Variants in MBD5 observed in about 807,000 individuals in gnomAD.
MBD5 encodes the protein methyl-CpG-binding domain protein 5.
Under a neutral mutation model 117.3 loss-of-function variants are expected in MBD5, and 13 were observed. The observed-to-expected ratio is 0.11, with a 90% CI of 0.07 to 0.18. The LOEUF is 0.18. Among genes scored for constraint, MBD5 ranks in the 10% least tolerant of loss-of-function variants. The pLI is 1.00. For missense variants in MBD5, 1,879 were observed against 2,093.8 expected (o/e 0.90, Z 2.00); for synonymous variants, 727 against 766.4 (o/e 0.95, Z 0.85).
At chr2:148,463,604 C>A (rs897139285) in intron 6 of MBD5, 135 bp from the exon 7 acceptor site, 5 of 1,005,730 alleles carry the variant, frequency 5.0e-6, no homozygotes, top group Admixed American at 2.1e-5. Context: ...TATAAAGTTG[C>A]CTTTCTTAAA....
chr2:148,314,853 T>C (rs998856609), intron 3 of MBD5, among the ~76,000 whole-genome samples: 2 of 151,966 alleles, frequency 1.3e-5, no homozygotes, highest in Non-Finnish European at 2.9e-5. Flanking sequence ...TTTTTAGGCA[T>C]ATATATATAT....
At chr2:148,348,278 A>C (rs1703172104) in intron 4 of MBD5, among the ~76,000 whole-genome samples, 2 of 151,850 alleles carry the variant, frequency 1.3e-5, no homozygotes, top group African/African-American at 4.8e-5. Context: ...CCTCTTGATA[A>C]AATCTAGATT....
chr2:148,386,435 C>T (rs1411402686), intron 4 of MBD5, among the ~76,000 whole-genome samples: 1 of 152,112 alleles, frequency 6.6e-6, no homozygotes, highest in Non-Finnish European at 1.5e-5. Flanking sequence ...ATACTTTATG[C>T]CGGCCGGGCG....
At chr2:148,348,607 C>G (rs1174048728) in intron 4 of MBD5, among the ~76,000 whole-genome samples, 2 of 151,956 alleles carry the variant, frequency 1.3e-5, no homozygotes, top group African/African-American at 4.8e-5. Context: ...TCTAAACATA[C>G]TAAGTAATAG....
chr2:148,179,182 G>T (rs1388184842), intron 2 of MBD5, among the ~76,000 whole-genome samples: 1 of 151,994 alleles, frequency 6.6e-6, no homozygotes, highest in Non-Finnish European at 1.5e-5. Flanking sequence ...GTGAAACCCG[G>T]TCTCTACTGA....
intron 3 of MBD5, among the ~76,000 whole-genome samples, chr2:148,325,968 C>A (rs1367173647): frequency 6.6e-6 from 1 of 152,096 alleles, no homozygotes; most frequent in East Asian, 1.9e-4. Flanking sequence ...CTCTTGTGGG[C>A]ATTTAGTGCT....
intron 1 of MBD5, among the ~76,000 whole-genome samples, chr2:148,146,669 T>A (rs1219166966): frequency 6.6e-6 from 1 of 152,138 alleles, no homozygotes; most frequent in African/African-American, 2.4e-5. Context: ...GGGAGCTATT[T>A]AAAAAAATTA....
At chr2:148,182,288 T>C (rs1449319445) in intron 2 of MBD5, among the ~76,000 whole-genome samples, 18 of 152,178 alleles carry the variant, frequency 1.2e-4, no homozygotes, top group Non-Finnish European at 2.5e-4. Context: ...TTAAAATAAT[T>C]ATAAGGTATT....
At chr2:148,396,749 T>C (rs1306392784) in intron 4 of MBD5, among the ~76,000 whole-genome samples, 1 of 152,172 alleles carries the variant, frequency 6.6e-6, no homozygotes, top group Non-Finnish European at 1.5e-5. Flanking sequence ...GACTGGGGTA[T>C]TCTTACAGGG....
chr2:148,326,944 C>T (rs1702469289), intron 3 of MBD5, among the ~76,000 whole-genome samples: 1 of 151,214 alleles, frequency 6.6e-6, no homozygotes, highest in African/African-American at 2.4e-5. Flanking sequence ...ATGGTCTTTA[C>T]ATTTTGGCAT....
intron 4 of MBD5, among the ~76,000 whole-genome samples, chr2:148,404,555 T>A (rs1705021052): frequency 1.3e-5 from 2 of 152,200 alleles, no homozygotes. Flanking sequence ...CAGATACGTT[T>A]CCTCTACTTA....
chr2:148,508,014 TAGTG>T (rs1456447914), intron 12 of MBD5, among the ~76,000 whole-genome samples: 1 of 152,094 alleles, frequency 6.6e-6, no homozygotes, highest in African/African-American at 2.4e-5. Context: ...ACAAAAGAAA[TAGTG>T]AGGATAAATT....
chr2:148,045,815 T>A (rs1694509220), intron 1 of MBD5, among the ~76,000 whole-genome samples: 1 of 152,104 alleles, frequency 6.6e-6, no homozygotes, highest in African/African-American at 2.4e-5. Flanking sequence ...ATTAAGTATG[T>A]TAGAATTTGT....
chr2:148,344,673 G>A (rs937873601), intron 4 of MBD5, among the ~76,000 whole-genome samples: 2 of 151,948 alleles, frequency 1.3e-5, no homozygotes, highest in East Asian at 3.9e-4. Flanking sequence ...AAACTTTGCT[G>A]AAGTCATTTA....
At chr2:148,451,620 G>A (rs1205955331) in intron 4 of MBD5, among the ~76,000 whole-genome samples, 2 of 152,118 alleles carry the variant, frequency 1.3e-5, no homozygotes, top group Admixed American at 6.6e-5. Context: ...TGATAATTAT[G>A]TTGTAGCCAC....
chr2:148,101,523 G>A (rs559971142), intron 1 of MBD5, among the ~76,000 whole-genome samples: 2 of 152,186 alleles, frequency 1.3e-5, no homozygotes, highest in South Asian at 4.1e-4. Context: ...TTAAAATAGT[G>A]ATAAAACTAC....
intron 3 of MBD5, among the ~76,000 whole-genome samples, chr2:148,243,249 T>G (rs1392198249): frequency 1.3e-5 from 2 of 152,162 alleles, no homozygotes; most frequent in African/African-American, 4.8e-5. Context: ...CGTGATTTCT[T>G]TTTTTATATA....
intron 3 of MBD5, among the ~76,000 whole-genome samples, chr2:148,282,896 A>ACC (rs1491338114): frequency 1.8e-4 from 13 of 74,254 alleles, no homozygotes; most frequent in South Asian, 8.1e-4. Context: ...TTAAGACTTA[A>ACC]CCGCCCCCCC....
chr2:148,180,343 C>CAGATATATATATATATATATAT (rs757856356), intron 2 of MBD5, among the ~76,000 whole-genome samples: 25 of 105,544 alleles, frequency 2.4e-4, no homozygotes, highest in African/African-American at 8.6e-4. Flanking sequence ...AAAAATTATA[C>CAGATATATATATATATATATAT]ATATATATAT....
Sources: allele counts gnomAD v4.1 joint callset (sites outside exome capture counted in the v4.1 genomes callset), GRCh38; gene constraint gnomAD v4.1.1; transcripts MANE v1.5; gene names NCBI Gene and HGNC (gene_info 2026-07-23, HGNC 2026-07-21).